LRP1B: variants seen among roughly 807,000 people sequenced by gnomAD.
LRP1B encodes the protein low-density lipoprotein receptor-related protein 1B.
In LRP1B, 217 loss-of-function variants were observed where a neutral mutation model predicts 556.6. That is an observed-to-expected ratio of 0.39 (90% CI 0.35 to 0.44). The LOEUF is 0.44. LRP1B is among the 20% of genes least tolerant of loss of function. The pLI, the probability that LRP1B is intolerant of heterozygous loss-of-function variation, is 1.00. For missense variants in LRP1B, 5,053 were observed against 5,620.8 expected, an observed-to-expected ratio of 0.90 and a Z score of 3.23; for synonymous variants, 2,047 against 1,865.8, an observed-to-expected ratio of 1.10 and a Z score of -2.50.
intron 66 of LRP1B, among the ~76,000 whole-genome samples, chr2:140,430,331 G>A (rs1035091980): frequency 6.6e-6 from 1 of 152,102 alleles, no homozygotes; most frequent in Non-Finnish European, 1.5e-5. Context: ...TTCATATTCT[G>A]TACCACCATG....
chr2:142,056,664 G>T (rs770591206), intron 1 of LRP1B, among the ~76,000 whole-genome samples: 1 of 152,092 alleles, frequency 6.6e-6, no homozygotes, highest in Non-Finnish European at 1.5e-5. Context: ...AACTCTGATA[G>T]AATCAAATTT....
intron 15 of LRP1B, among the ~76,000 whole-genome samples, chr2:140,998,870 C>T (rs1558791184): frequency 1.3e-5 from 2 of 152,028 alleles, no homozygotes; most frequent in African/African-American, 4.8e-5. Flanking sequence ...CTTTGTTTTG[C>T]TTGTTTGACT....
rs77076136 is a variant in LRP1B, at chr2:140,931,324, C to T, written c.3137-8177G>A. Among the ~76,000 whole-genome samples, 980 of 152,264 alleles carry T rather than the reference C, an allele frequency of 6.4e-3. 8 individuals carry two copies. Among genetic ancestry groups the T allele is most frequent in the African/African-American group, 0.02 (821 of 41,566 alleles). ...TTCCCTACCTTTAACCTCACACACACGTCCAGAACGTGGCTTTTGTGTTTT... is the reference window on the plus strand; with the variant it reads ...TTCCCTACCTTTAACCTCACACACATGTCCAGAACGTGGCTTTTGTGTTTT... On this transcript the variant is annotated intron_variant, in intron 20 of 90. Transcript: ENST00000389484.
chr2:140,239,642 C>A, intron 87 of LRP1B, 110 bp from the exon 88 acceptor site: 1 of 596,266 alleles, frequency 1.7e-6, no homozygotes, highest in Non-Finnish European at 2.8e-6. Flanking sequence ...ATAATAAAAG[C>A]TTAGCCCAAA....
At chr2:140,787,454 T>C (rs1462025801) in intron 32 of LRP1B, among the ~76,000 whole-genome samples, 1 of 152,102 alleles carries the variant, frequency 6.6e-6, no homozygotes, top group African/African-American at 2.4e-5. Context: ...AGGATTCACC[T>C]GATCCCTTAT....
At chr2:140,403,077 T>C (rs990868462) in intron 66 of LRP1B, among the ~76,000 whole-genome samples, 1 of 151,564 alleles carries the variant, frequency 6.6e-6, no homozygotes, top group African/African-American at 2.4e-5. Context: ...TAGGCTATAA[T>C]AAACTATAAA....
intron 32 of LRP1B, among the ~76,000 whole-genome samples, chr2:140,807,377 A>G (rs1433076471): frequency 6.6e-6 from 1 of 151,942 alleles, no homozygotes; most frequent in East Asian, 1.9e-4. Context: ...GTCTCACTCT[A>G]TCACCCAGGC....
intron 21 of LRP1B, among the ~76,000 whole-genome samples, chr2:140,918,183 ATTTTGTG>A (rs1250828758): frequency 9.8e-6 from 1 of 102,004 alleles, no homozygotes; most frequent in Non-Finnish European, 2.1e-5. Flanking sequence ...GTAGATTTCT[ATTTTGTG>A]TGTGTGTGTG....
intron 1 of LRP1B, among the ~76,000 whole-genome samples, chr2:142,065,651 G>A (rs1422346927): frequency 2.0e-5 from 3 of 151,294 alleles, no homozygotes; most frequent in Admixed American, 6.6e-5. Context: ...ATTAGGATGT[G>A]GAGATCTTTG....
rs192572174 is a variant in LRP1B, at chr2:140,710,559, G to T, written c.6023+5414C>A. On this transcript the variant is annotated intron_variant, in intron 37 of 90. Coordinates refer to ENST00000389484, the MANE Select transcript of LRP1B (RefSeq NM_018557.3). ...ATTTTAAAAACATGGGATTAGATGG[G>T]TTTAAAAGATAAATATAATAAGAGA... Among the ~76,000 whole-genome samples, 4 of 151,986 alleles carry T rather than the reference G, an allele frequency of 2.6e-5. No homozygotes were observed. In the East Asian group the frequency reaches 7.7e-4, roughly 29 times the overall value.
At chr2:141,052,734 C>A (rs948359609) in intron 10 of LRP1B, among the ~76,000 whole-genome samples, 1 of 151,972 alleles carries the variant, frequency 6.6e-6, no homozygotes, top group African/African-American at 2.4e-5. Context: ...GCCACCTGGG[C>A]TCAAGCTATC....
chr2:140,943,323 G>A (rs1438393976), intron 20 of LRP1B, among the ~76,000 whole-genome samples: 2 of 151,918 alleles, frequency 1.3e-5, no homozygotes, highest in South Asian at 2.1e-4. Flanking sequence ...ATAATAGTGG[G>A]GGACTTCAAT....
At chr2:140,853,586 T>G (rs1419719288) in intron 27 of LRP1B, among the ~76,000 whole-genome samples, 1 of 152,068 alleles carries the variant, frequency 6.6e-6, no homozygotes, top group African/African-American at 2.4e-5. Flanking sequence ...ATATGAGAAA[T>G]GAACTGAATT....
chr2:141,755,431 A>G (rs1408789555), intron 2 of LRP1B, among the ~76,000 whole-genome samples: 1 of 152,064 alleles, frequency 6.6e-6, no homozygotes, highest in Non-Finnish European at 1.5e-5. Context: ...ACTAATAATC[A>G]AAAAAGGCAA....
intron 49 of LRP1B, among the ~76,000 whole-genome samples, chr2:140,523,608 C>A (rs551571732): frequency 6.6e-6 from 1 of 151,954 alleles, no homozygotes; most frequent in South Asian, 2.1e-4. Flanking sequence ...TTTCTCTTCA[C>A]TGACATCATA....
chr2:140,562,944 T>C (rs899285984), intron 43 of LRP1B, among the ~76,000 whole-genome samples: 2 of 152,036 alleles, frequency 1.3e-5, no homozygotes, highest in African/African-American at 4.8e-5. Flanking sequence ...AAAAGTAAAG[T>C]AAAATTAAAT....
chr2:140,617,257 T>C (rs1384466488), intron 41 of LRP1B, among the ~76,000 whole-genome samples: 1 of 151,990 alleles, frequency 6.6e-6, no homozygotes, highest in East Asian at 1.9e-4. Context: ...AAACAGAATG[T>C]AAGCATCTTA....
chr2:141,882,241 C>G (rs1403587679), intron 1 of LRP1B, among the ~76,000 whole-genome samples: 1 of 152,094 alleles, frequency 6.6e-6, no homozygotes, highest in Non-Finnish European at 1.5e-5. Flanking sequence ...AGCAGGCAGG[C>G]AAGAACCTAG....
intron 2 of LRP1B, among the ~76,000 whole-genome samples, chr2:141,780,077 C>G (rs1695202981): frequency 1.4e-5 from 2 of 147,864 alleles, no homozygotes; most frequent in African/African-American, 2.5e-5. Context: ...TGCATATAAA[C>G]AAAAGAACAA....
Sources: gnomAD v4.1 joint callset for allele counts (sites outside exome capture counted in the v4.1 genomes callset) on GRCh38, gnomAD v4.1.1 for gene constraint, MANE v1.5 for transcripts, NCBI Gene and HGNC (gene_info 2026-07-23, HGNC 2026-07-21) for gene names.